The following ARMH3 variants were observed in gnomAD, a reference collection of about 807,000 sequenced individuals.
ARMH3 encodes armadillo like helical domain containing 3.
Under a neutral mutation model 99.1 loss-of-function variants are expected in ARMH3, and 60 were observed. That is an observed-to-expected ratio of 0.61 (90% CI 0.49 to 0.75). The LOEUF (loss-of-function observed/expected upper bound fraction) is 0.75, where lower values mean the gene tolerates loss of function less well. Ranked by LOEUF, ARMH3 falls within the 30% of genes least tolerant of loss-of-function variation. ARMH3 has a pLI of 0.00. For missense variants in ARMH3, 679 were observed against 843.1 expected (o/e 0.81, Z 2.41); for synonymous variants, 285 against 292.8 (o/e 0.97, Z 0.27).
intron 1 of ARMH3, among the ~76,000 whole-genome samples, chr10:102,049,551 A>AT (rs1170175494): frequency 6.6e-6 from 1 of 151,772 alleles, no homozygotes; most frequent in Non-Finnish European, 1.5e-5. Flanking sequence ...CCAAAAAAAA[A>AT]GAAAGAAAGA....
intron 23 of ARMH3, among the ~76,000 whole-genome samples, chr10:101,931,005 T>C (rs1389872730): frequency 2.0e-5 from 3 of 152,184 alleles, no homozygotes; most frequent in Admixed American, 6.5e-5. Context: ...TCCAAAGTAA[T>C]GGTACAGCAA....
intron 9 of ARMH3, 58 bp from the exon 10 acceptor site, chr10:102,012,934 T>C (rs763079945): frequency 2.2e-5 from 33 of 1,467,542 alleles, no homozygotes; most frequent in Non-Finnish European, 3.1e-5. Flanking sequence ...GAGTTGGTGA[T>C]GATGCTAGAA....
At chr10:101,953,069 T>C (rs555256554) in intron 22 of ARMH3, among the ~76,000 whole-genome samples, 14 of 152,202 alleles carry the variant, frequency 9.2e-5, no homozygotes, top group Non-Finnish European at 2.1e-4. Flanking sequence ...TCAATGGACA[T>C]TTGAGTTGCT....
intron 1 of ARMH3, among the ~76,000 whole-genome samples, chr10:102,053,561 C>T (rs2067762119): frequency 6.6e-6 from 1 of 151,990 alleles, no homozygotes; most frequent in South Asian, 2.1e-4. Flanking sequence ...CTTGTGCAAT[C>T]TCCTACTCAT....
intron 10 of ARMH3, 70 bp from the exon 11 acceptor site, chr10:102,011,853 G>A (rs1210027807): frequency 6.1e-6 from 8 of 1,310,782 alleles, no homozygotes; most frequent in South Asian, 1.3e-5. Flanking sequence ...GACATTTGGG[G>A]TAATCAGGGC....
At chr10:101,943,745 T>C (rs937171633) in intron 22 of ARMH3, among the ~76,000 whole-genome samples, 3 of 151,488 alleles carry the variant, frequency 2.0e-5, no homozygotes, top group African/African-American at 7.3e-5. Context: ...AGAAAGACAA[T>C]GGAAGGAGAA....
chr10:102,014,664 AATCTG>A (rs1165371756), intron 8 of ARMH3, among the ~76,000 whole-genome samples: 1 of 152,192 alleles, frequency 6.6e-6, no homozygotes, highest in Non-Finnish European at 1.5e-5. Flanking sequence ...CCCAAACAAC[AATCTG>A]GTCAGGACAC....
intron 1 of ARMH3, among the ~76,000 whole-genome samples, chr10:102,052,601 A>G (rs997015165): frequency 2.0e-5 from 3 of 152,146 alleles, no homozygotes; most frequent in African/African-American, 7.2e-5. Flanking sequence ...CTTGAATAAC[A>G]CTTATTAAGA....
At chr10:102,055,999 C>T (rs966534759) in intron 1 of ARMH3, 86 bp downstream of exon 1, 2 of 152,354 alleles carry the variant, frequency 1.3e-5, no homozygotes, top group African/African-American at 4.8e-5. Flanking sequence ...CCCCCAGAAC[C>T]GCCTCGGGGC....
chr10:101,968,305 CA>C (rs1192416147), intron 20 of ARMH3, among the ~76,000 whole-genome samples: 1 of 152,034 alleles, frequency 6.6e-6, no homozygotes, highest in Non-Finnish European at 1.5e-5. Context: ...GAGTGATAGC[CA>C]AAATCACCCT....
At chr10:101,928,817 A>C (rs1325034793) in intron 23 of ARMH3, among the ~76,000 whole-genome samples, 1 of 152,040 alleles carries the variant, frequency 6.6e-6, no homozygotes, top group East Asian at 1.9e-4. Context: ...TGCAACCTCC[A>C]TCTCCCGGAT....
At chr10:101,953,129 C>T (rs1237027597) in intron 22 of ARMH3, among the ~76,000 whole-genome samples, 1 of 152,028 alleles carries the variant, frequency 6.6e-6, no homozygotes, top group Non-Finnish European at 1.5e-5. Context: ...TTGGTGTGCA[C>T]TGGTGTTTGT....
rs2067848632 is a variant in ARMH3 at position 102,056,118 on chromosome 10, G to C, written c.-45C>G. 1 of 152,384 alleles carries C rather than the reference G, an allele frequency of 6.6e-6. No individual in the cohort carries two copies. The highest frequency in any genetic ancestry group is 1.5e-5 in the Non-Finnish European group (1 of 68,200). 9.4% of individuals were successfully genotyped at this position (152,384 alleles called of 1,614,324 possible). The stretch of plus-strand genomic sequence containing the variant: ...CGGCTCCTCCTCTACCACCCGCGCC[G>C]TTCCCGGGCCCGCTCGCTCTCGACG... On this transcript the variant is annotated 5_prime_UTR_variant, in exon 1 of 26. Transcript: ENST00000370033.
intron 5 of ARMH3, among the ~76,000 whole-genome samples, chr10:102,026,950 T>C (rs776826404): frequency 2.6e-5 from 4 of 152,190 alleles, no homozygotes; most frequent in Non-Finnish European, 5.9e-5. Context: ...CCTACCACAG[T>C]ACCTGGCATA....
At chr10:101,933,332 C>T (rs1241973759) in intron 23 of ARMH3, among the ~76,000 whole-genome samples, 1 of 152,148 alleles carries the variant, frequency 6.6e-6, no homozygotes, top group Non-Finnish European at 1.5e-5. Flanking sequence ...AAGTCACACT[C>T]ATCTAAAACA....
In ARMH3 at chr10:101,991,450, G is replaced by T. The variant is rs960551818; in HGVS notation, c.1345+519C>A. 4.0e-5 allele frequency among the ~76,000 whole-genome samples: 6 copies of T among 151,618 alleles called. No homozygotes were observed. In the East Asian group the frequency reaches 1.2e-3, roughly 29 times the overall value. ...AGCTGGAGTGCAATGCCGTGATCTT[G>T]GCTCACTGCAACCTCTGCCTCCTGG... On this transcript the variant is annotated intron_variant, in intron 18 of 25. Transcript: ENST00000370033.
intron 23 of ARMH3, among the ~76,000 whole-genome samples, chr10:101,932,643 CA>C (rs1843768949): frequency 6.6e-6 from 1 of 152,178 alleles, no homozygotes; most frequent in Non-Finnish European, 1.5e-5. Context: ...TTATATTAGG[CA>C]AAATAATCCA....
chr10:101,864,504 C>T (rs1243196699), intron 24 of ARMH3, among the ~76,000 whole-genome samples: 1 of 152,138 alleles, frequency 6.6e-6, no homozygotes, highest in African/African-American at 2.4e-5. Context: ...AAATATCCAT[C>T]AATGATAGAC....
intron 22 of ARMH3, among the ~76,000 whole-genome samples, chr10:101,944,576 G>A (rs879435159): frequency 5.3e-5 from 8 of 152,108 alleles, no homozygotes; most frequent in Non-Finnish European, 8.8e-5. Context: ...TACTTTGGGA[G>A]GCTGAGGCGG....
Sources: gnomAD v4.1 joint callset for allele counts (sites outside exome capture counted in the v4.1 genomes callset) on GRCh38, gnomAD v4.1.1 for gene constraint, MANE v1.5 for transcripts, NCBI Gene and HGNC (gene_info 2026-07-23, HGNC 2026-07-21) for gene names.